SPOCK1: variants seen among roughly 807,000 people sequenced by gnomAD.
SPOCK1 encodes testican-1.
Under a neutral mutation model 55.3 loss-of-function variants are expected in SPOCK1, and 23 were observed. The ratio of observed to expected loss-of-function variants is 0.42; its 90% CI spans 0.30 to 0.59. The LOEUF (loss-of-function observed/expected upper bound fraction) is 0.59, where lower values mean the gene tolerates loss of function less well. SPOCK1 is among the 20% of genes least tolerant of loss of function. The pLI is 0.22. For missense variants in SPOCK1, 499 were observed against 552.5 expected (o/e 0.90, Z 0.97); for synonymous variants, 226 against 221.0 (o/e 1.02, Z -0.20).
At chr5:137,253,931 C>G (rs1756587699) in intron 3 of SPOCK1, among the ~76,000 whole-genome samples, 1 of 152,236 alleles carries the variant, frequency 6.6e-6, no homozygotes. Context: ...GCTACCCCTG[C>G]TTTTAAAACT....
chr5:137,350,178 C>A (rs2127160418), intron 2 of SPOCK1, among the ~76,000 whole-genome samples: 1 of 152,122 alleles, frequency 6.6e-6, no homozygotes, highest in Middle Eastern at 3.4e-3. Context: ...TGAGACTGCC[C>A]CCCAGAGAAG....
At chr5:137,222,654 C>T (rs755512949) in intron 3 of SPOCK1, among the ~76,000 whole-genome samples, 3 of 152,162 alleles carry the variant, frequency 2.0e-5, no homozygotes, top group Non-Finnish European at 4.4e-5. Flanking sequence ...TTGAAAACAG[C>T]AAGCACATCA....
intron 9 of SPOCK1, 104 bp downstream of exon 9, chr5:136,985,036 T>G: frequency 8.5e-7 from 1 of 1,182,604 alleles, no homozygotes; most frequent in Non-Finnish European, 1.3e-6. Flanking sequence ...ATTTCTTTCA[T>G]GAAACACTAG....
chr5:137,280,039 C>A (rs560107329), intron 2 of SPOCK1, among the ~76,000 whole-genome samples: 2 of 152,290 alleles, frequency 1.3e-5, no homozygotes, highest in Admixed American at 1.3e-4. Flanking sequence ...CCCTGGAGGT[C>A]CCCCGCACAG....
At position 136,994,610 on chromosome 5, in the gene SPOCK1, T is replaced by C. The variant is rs76239591; in HGVS notation, c.590-2010A>G. Among the ~76,000 whole-genome samples, 391 of 151,888 alleles carry C rather than the reference T, an allele frequency of 2.6e-3. 2 individuals carry two copies. Among genetic ancestry groups the C allele is most frequent in the African/African-American group, 9.0e-3 (374 of 41,410 alleles). On this transcript the variant is annotated intron_variant, in intron 6 of 10. Coordinates refer to ENST00000394945, the MANE Select transcript of SPOCK1 (RefSeq NM_004598.4). ...AACATTAGGGCTAGCATCACAGCAT[T>C]CAGAAAGCCAACAACAAATCCACCT... is the stretch of plus-strand genomic sequence containing the variant.
At chr5:137,377,580 A>AT (rs1179450800) in intron 2 of SPOCK1, among the ~76,000 whole-genome samples, 3 of 152,074 alleles carry the variant, frequency 2.0e-5, no homozygotes, top group Admixed American at 2.0e-4. Context: ...TGTTCCTGTT[A>AT]TTTTTTTTAA....
At chr5:137,137,337 C>T (rs1276452520) in intron 4 of SPOCK1, among the ~76,000 whole-genome samples, 1 of 152,156 alleles carries the variant, frequency 6.6e-6, no homozygotes, top group African/African-American at 2.4e-5. Flanking sequence ...ATAGAGTTGT[C>T]AACATGGTCT....
intron 2 of SPOCK1, among the ~76,000 whole-genome samples, chr5:137,360,969 A>G (rs1750931248): frequency 6.6e-6 from 1 of 152,206 alleles, no homozygotes; most frequent in African/African-American, 2.4e-5. Flanking sequence ...CACATGTTGA[A>G]AAAGAACCCT....
chr5:137,464,657 C>G (rs561578376), intron 2 of SPOCK1, among the ~76,000 whole-genome samples: 1 of 152,002 alleles, frequency 6.6e-6, no homozygotes, highest in Non-Finnish European at 1.5e-5. Context: ...CAATGCCACT[C>G]ACCACAATGA....
intron 2 of SPOCK1, among the ~76,000 whole-genome samples, chr5:137,288,960 GC>G (rs1485363263): frequency 6.6e-6 from 1 of 152,214 alleles, no homozygotes; most frequent in African/African-American, 2.4e-5. Flanking sequence ...AATGCAAACT[GC>G]AAAAAGCAAG....
At chr5:137,189,571 A>G (rs1755137873) in intron 3 of SPOCK1, among the ~76,000 whole-genome samples, 3 of 152,186 alleles carry the variant, frequency 2.0e-5, no homozygotes, top group Non-Finnish European at 4.4e-5. Flanking sequence ...TTGAAATAAT[A>G]CTGCTCATTC....
intron 2 of SPOCK1, among the ~76,000 whole-genome samples, chr5:137,465,245 A>T (rs1225366228): frequency 2.0e-5 from 3 of 152,164 alleles, no homozygotes; most frequent in Admixed American, 2.0e-4. Flanking sequence ...AATCAAACAC[A>T]CTTACCAAAT....
At chr5:137,038,364 C>G (rs1217984562) in intron 6 of SPOCK1, among the ~76,000 whole-genome samples, 1 of 152,168 alleles carries the variant, frequency 6.6e-6, no homozygotes, top group Non-Finnish European at 1.5e-5. Flanking sequence ...CTGACAATGC[C>G]CAGAACCAGG....
intron 6 of SPOCK1, among the ~76,000 whole-genome samples, chr5:137,017,699 G>T (rs1349690852): frequency 1.3e-5 from 2 of 152,074 alleles, no homozygotes; most frequent in Non-Finnish European, 2.9e-5. Flanking sequence ...ACACATCATT[G>T]TAAGTTTTAC....
chr5:137,416,172 A>G (rs896198252), intron 2 of SPOCK1, among the ~76,000 whole-genome samples: 3 of 126,776 alleles, frequency 2.4e-5, no homozygotes, highest in Non-Finnish European at 4.6e-5. Context: ...AAAGTACTGG[A>G]AAAAAAAAAC....
In SPOCK1 at chr5:136,985,153, C is replaced by T. The variant is rs907107715; in HGVS notation, c.978G>A (p.Gly326=). Residue 326 remains glycine, a synonymous_variant, in exon 9 of 11, where the codon GGG becomes GGA. Transcript: ENST00000394945. ...AATTGTACTTACCCAACAGGCTTTTCCCCTTACTCAGCTTCTGAATTCTGT... is the reference window on the plus strand; with the variant it reads ...AATTGTACTTACCCAACAGGCTTTTTCCCTTACTCAGCTTCTGAATTCTGT... The part of the protein sequence containing the change: ...EMNRIQKLSK[G]KSLLGAFIPR... 5 of 1,614,128 alleles carry T rather than the reference C, an allele frequency of 3.1e-6. No homozygotes were observed. Among genetic ancestry groups the T allele is most frequent in the Admixed American group, 1.7e-5 (1 of 60,024 alleles).
chr5:137,040,610 T>A (rs1447682971), intron 6 of SPOCK1, among the ~76,000 whole-genome samples: 1 of 152,236 alleles, frequency 6.6e-6, no homozygotes, highest in Admixed American at 6.5e-5. Flanking sequence ...GCTAAATCTG[T>A]TGCTTAAACT....
intron 2 of SPOCK1, among the ~76,000 whole-genome samples, chr5:137,401,567 A>C (rs1252144397): frequency 6.8e-6 from 1 of 146,330 alleles, no homozygotes; most frequent in East Asian, 1.9e-4. Context: ...ACAAAAAAAA[A>C]AAAAAAAAAA....
rs7737727 is a variant in SPOCK1, at chr5:137,160,548, T to C, written c.233-19854A>G. ...AATATATAAAAATATATAATATATATAATATATATTATATATTATATATTA... is the reference window on the plus strand; with the variant it reads ...AATATATAAAAATATATAATATATACAATATATATTATATATTATATATTA... On this transcript the variant is annotated intron_variant, in intron 3 of 10. Coordinates refer to ENST00000394945, the MANE Select transcript of SPOCK1 (RefSeq NM_004598.4). Among the ~76,000 whole-genome samples the C allele has an allele frequency of 8.4e-5, 3 of 35,882 alleles. 1 individual carries two copies. The highest frequency in any genetic ancestry group is 1.5e-4 in the Non-Finnish European group (3 of 20,486). 23.5% of individuals were successfully genotyped at this position (35,882 alleles called of 152,430 possible).
Sources: gnomAD v4.1 joint callset for allele counts (sites outside exome capture counted in the v4.1 genomes callset) on GRCh38, gnomAD v4.1.1 for gene constraint, MANE v1.5 for transcripts, NCBI Gene and HGNC (gene_info 2026-07-23, HGNC 2026-07-21) for gene names.